Variants in TVP23A observed in about 807,000 individuals in gnomAD.
TVP23A encodes trans-golgi network vesicle protein 23 homolog A, also known as Golgi apparatus membrane protein TVP23 homolog A.
A neutral mutation model predicts 31.7 loss-of-function variants in TVP23A; 21 were observed. That is an observed-to-expected ratio of 0.66 (90% CI 0.47 to 0.95). The LOEUF is 0.95. Among genes scored for constraint, TVP23A ranks in the 40% least tolerant of loss-of-function variants. TVP23A has a pLI of 0.00. For missense variants in TVP23A, 279 were observed against 255.6 expected (o/e 1.09, Z -0.62); for synonymous variants, 104 against 96.0 (o/e 1.08, Z -0.49).
Position 10,780,176 on chromosome 16 carries a change from G to T in TVP23A, c.90-5080C>A, listed in dbSNP as rs541635201. The stretch of plus-strand genomic sequence containing the variant: ...CTTTTAATCTATAACTAATATCTGA[G>T]TCCTGAAGACCTTCCTCTGGAGCCT... On this transcript the variant is annotated intron_variant, in intron 2 of 7. Coordinates refer to ENST00000299866, the MANE Select transcript of TVP23A (RefSeq NM_001079512.4). Among the ~76,000 whole-genome samples, 36 of 152,248 alleles carry T rather than the reference G, an allele frequency of 2.4e-4. 2 individuals carry two copies. Among genetic ancestry groups the T allele is most frequent in the Admixed American group, 2.4e-3 (36 of 15,282 alleles).
intron 2 of TVP23A, among the ~76,000 whole-genome samples, chr16:10,791,151 T>C (rs1269995266): frequency 6.6e-6 from 1 of 152,078 alleles, no homozygotes; most frequent in Non-Finnish European, 1.5e-5. Flanking sequence ...TCACTCTACT[T>C]ATTGCTTGAC....
chr16:10,785,672 AG>A (rs1029168349), intron 2 of TVP23A, among the ~76,000 whole-genome samples: 10 of 152,240 alleles, frequency 6.6e-5, no homozygotes. Context: ...TGTACATTTC[AG>A]GGAGACAGGA....
At chr16:10,761,562 GC>G in exon 9 of TVP23A, 1 of 1,192,368 alleles carries the variant, frequency 8.4e-7, no homozygotes, top group Non-Finnish European at 1.2e-6. Context: ...AACTATTTCT[GC>G]TTTCCCTGTC....
chr16:10,761,731 T>C (rs748985080), downstream of TVP23A: 2 of 1,578,156 alleles, frequency 1.3e-6, no homozygotes, highest in Non-Finnish European at 1.7e-6. Flanking sequence ...AAATTATGTT[T>C]CCTCCCCTTT....
intron 2 of TVP23A, among the ~76,000 whole-genome samples, chr16:10,788,241 G>A (rs2032885038): frequency 6.6e-6 from 1 of 151,862 alleles, no homozygotes; most frequent in Non-Finnish European, 1.5e-5. Context: ...AGAAAGGAGT[G>A]TCTGGGTTAA....
chr16:10,816,633 A>C (rs1316133054), intron 2 of TVP23A, among the ~76,000 whole-genome samples: 1 of 152,098 alleles, frequency 6.6e-6, no homozygotes, highest in Non-Finnish European at 1.5e-5. Flanking sequence ...CCATGCACTC[A>C]GCCTATAATT....
At chr16:10,803,652 T>C (rs2033813865) in intron 2 of TVP23A, among the ~76,000 whole-genome samples, 1 of 152,164 alleles carries the variant, frequency 6.6e-6, no homozygotes, top group African/African-American at 2.4e-5. Flanking sequence ...GACCCTTTAG[T>C]TGTGGGAGCT....
At chr16:10,810,604 C>A (rs1029725259) in intron 2 of TVP23A, among the ~76,000 whole-genome samples, 1 of 151,860 alleles carries the variant, frequency 6.6e-6, no homozygotes, top group South Asian at 2.1e-4. Flanking sequence ...CCTTCCCAAT[C>A]TGGATGGGCA....
chr16:10,814,615 C>T (rs2034353657), intron 2 of TVP23A, among the ~76,000 whole-genome samples: 1 of 147,480 alleles, frequency 6.8e-6, no homozygotes, highest in African/African-American at 2.7e-5. Context: ...CTGCCCTGAG[C>T]AAAATCCTTC....
Position 10,771,671 on chromosome 16 carries a change from G to T in TVP23A, c.581C>A (p.Thr194Lys). Reference protein sequence around the residue: ...ASFLSQTVFQTACPGDFQKPG... With the variant: ...ASFLSQTVFQKACPGDFQKPG... ...AAGAGTCAGACCTCAGTTACTCACC[G>T]TCTGGAACACTGTCTGGGACAGGAA... The change falls in exon 6 of 8, where the codon ACG becomes AAG. Residue 194 changes from threonine (T) to lysine (K), a missense_variant and splice_region_variant. Transcript: ENST00000299866. 1.9e-6 allele frequency: 3 copies of T among 1,613,754 alleles called. No homozygotes were observed. The highest frequency in any genetic ancestry group is 2.5e-6 in the Non-Finnish European group (3 of 1,179,798).
Position 10,783,276 on chromosome 16 carries a change from C to T in TVP23A, c.90-8180G>A, listed in dbSNP as rs117299170. Among the ~76,000 whole-genome samples, 539 of 152,308 alleles carry T rather than the reference C, an allele frequency of 3.5e-3. 8 individuals carry two copies. Among genetic ancestry groups the T allele is most frequent in the East Asian group, 0.027 (142 of 5,190 alleles). On this transcript the variant is annotated intron_variant, in intron 2 of 7. Coordinates refer to ENST00000299866, the MANE Select transcript of TVP23A (RefSeq NM_001079512.4). ...GATACAATCCAGCAACCACAATCCC[C>T]AGGGTTTACCGAAGTGAGCTGAAAA...
At position 10,818,617 on chromosome 16, in the gene TVP23A, C is replaced by T. The variant is rs560514181; in HGVS notation, c.-124G>A. On this transcript the variant is annotated 5_prime_UTR_variant, in exon 1 of 8. Transcript: ENST00000299866. This position sits in a 1 kb window ranked among gnomAD's most constrained non-coding sequence, Gnocchi z 4.7. ...AGACGGTGGACGCTGAGGGTCGGGG[C>T]CTGCGCCCTGTGGGGCAGCCTCAGC... 1.3e-5 allele frequency: 17 copies of T among 1,265,978 alleles called. No individual in the cohort carries two copies. In the South Asian group the frequency reaches 2.3e-4, roughly 17 times the overall value. 78.4% of individuals were successfully genotyped at this position (1,265,978 alleles called of 1,614,324 possible).
chr16:10,762,728 C>T (rs17763225), downstream of TVP23A, among the ~76,000 whole-genome samples: 6,778 of 151,698 alleles, frequency 0.045, 279 homozygotes, highest in African/African-American at 0.1. Flanking sequence ...GGAACCAAGG[C>T]CAGTGTGAGG....
intron 2 of TVP23A, among the ~76,000 whole-genome samples, chr16:10,816,544 G>C (rs2034447138): frequency 6.6e-6 from 1 of 152,108 alleles, no homozygotes; most frequent in Non-Finnish European, 1.5e-5. Flanking sequence ...ATGTTGGCCA[G>C]GCTGGTCACA....
intron 2 of TVP23A, among the ~76,000 whole-genome samples, chr16:10,789,005 C>A (rs2032938003): frequency 6.6e-6 from 1 of 152,134 alleles, no homozygotes; most frequent in Non-Finnish European, 1.5e-5. Context: ...ATTTTTATGG[C>A]CAGTTTATGC....
At chr16:10,769,254 C>CTT (rs2031349016) in intron 7 of TVP23A, 153 bp from the exon 8 acceptor site, 2 of 630,836 alleles carry the variant, frequency 3.2e-6, no homozygotes, top group Admixed American at 2.8e-5. Flanking sequence ...CTCAGAGACA[C>CTT]TTTAATCATT....
chr16:10,817,095 CT>C lies in TVP23A; in HGVS notation c.89+1007del, dbSNP rs555359047. Among the ~76,000 whole-genome samples the C allele has an allele frequency of 2.4e-3, 366 of 152,256 alleles. 3 individuals carry two copies. Among genetic ancestry groups the C allele is most frequent in the South Asian group, 4.6e-3 (22 of 4,818 alleles). ...GAAAAGGCAAAGAATGGATTTTCCC[CT>C]AATTCTTCCGAAGGGAGTGTGGCAC... On this transcript the variant is annotated intron_variant, in intron 2 of 7. Coordinates refer to ENST00000299866, the MANE Select transcript of TVP23A (RefSeq NM_001079512.4).
chr16:10,773,511 C>G, intron 4 of TVP23A, 70 bp from the exon 5 acceptor site: 1 of 1,495,010 alleles, frequency 6.7e-7, no homozygotes, highest in African/African-American at 1.4e-5. Context: ...CTCACATTTT[C>G]ATTTATTTTA....
At chr16:10,797,120 T>A (rs1370832588) in intron 2 of TVP23A, among the ~76,000 whole-genome samples, 2 of 149,742 alleles carry the variant, frequency 1.3e-5, no homozygotes, top group Admixed American at 6.7e-5. Context: ...GCAGGGGAGG[T>A]CGAGGCTATA....
Sources: allele counts gnomAD v4.1 joint callset (sites outside exome capture counted in the v4.1 genomes callset), GRCh38; gene constraint gnomAD v4.1.1; non-coding constraint Gnocchi (gnomAD v3.1); transcripts MANE v1.5; gene names NCBI Gene and HGNC (gene_info 2026-07-23, HGNC 2026-07-21).